Variants in CIB1 observed in about 807,000 individuals in gnomAD.
The protein encoded by CIB1 is calcium and integrin-binding protein 1.
CIB1 carries 19 observed loss-of-function variants against 25.0 expected under a neutral mutation model. The ratio of observed to expected loss-of-function variants is 0.76; its 90% confidence interval spans 0.53 to 1.12. CIB1 has a LOEUF of 1.12. Among genes scored for constraint, CIB1 ranks in the 50% most tolerant of loss-of-function variants. The pLI, the probability that CIB1 is intolerant of heterozygous loss-of-function variation, is 0.00. For synonymous variants in CIB1, 104 were observed against 98.5 expected (o/e 1.06, Z -0.33); for missense variants, 236 against 242.6 (o/e 0.97, Z 0.18).
chr15:90,252,166 A>C, the CIB1 span, among the ~76,000 whole-genome samples: 1 of 151,686 alleles, frequency 6.6e-6, no homozygotes, highest in Non-Finnish European at 1.5e-5. Context: ...CAGCCTCCCA[A>C]ATAGCTGGGA....
chr15:90,252,201 G>A, the CIB1 span, among the ~76,000 whole-genome samples: 6 of 152,010 alleles, frequency 3.9e-5, no homozygotes, highest in Non-Finnish European at 5.9e-5. Flanking sequence ...CACCACATCT[G>A]GCTAATTTTG....
At chr15:90,253,365 C>T in the CIB1 span, 1 of 1,611,042 alleles carries the variant, frequency 6.2e-7, no homozygotes. Flanking sequence ...GAAGAGGTTT[C>T]AGGTACCCAT....
chr15:90,248,099 G>C, the CIB1 span, among the ~76,000 whole-genome samples: 1 of 151,896 alleles, frequency 6.6e-6, no homozygotes, highest in African/African-American at 2.4e-5. Flanking sequence ...AAGTGCAGTG[G>C]CATAATCATA....
chr15:90,253,377 T>A, the CIB1 span: 1 of 1,604,462 alleles, frequency 6.2e-7, no homozygotes, highest in East Asian at 2.2e-5. Context: ...GGTACCCATC[T>A]CCTGACCTGA....
At chr15:90,260,846 G>C in the CIB1 span, among the ~76,000 whole-genome samples, 2 of 130,370 alleles carry the variant, frequency 1.5e-5, no homozygotes, top group East Asian at 4.8e-4. Context: ...GCAGGACTCT[G>C]TCTCAAAAAA....
intron 3 of CIB1, among the ~76,000 whole-genome samples, chr15:90,231,784 T>G (rs1232472072): frequency 6.6e-6 from 1 of 152,160 alleles, no homozygotes; most frequent in Non-Finnish European, 1.5e-5. Context: ...GAAGAAGAAG[T>G]CATCCTAAAC....
chr15:90,263,156 C>T, the CIB1 span: 1 of 1,515,726 alleles, frequency 6.6e-7, no homozygotes. Flanking sequence ...GTGAGGGTCC[C>T]TGTGAAGTCT....
At chr15:90,248,256 G>A in the CIB1 span, among the ~76,000 whole-genome samples, 4 of 152,148 alleles carry the variant, frequency 2.6e-5, no homozygotes, top group Admixed American at 2.6e-4. Context: ...CTTTCAAAGT[G>A]CAAAGTGATT....
the CIB1 span, chr15:90,257,488 C>T: frequency 1.0e-6 from 1 of 968,496 alleles, no homozygotes; most frequent in Non-Finnish European, 1.5e-6. Flanking sequence ...ACACTCTTCC[C>T]CAGGATCATC....
the CIB1 span, chr15:90,257,259 T>G: frequency 1.2e-6 from 2 of 1,613,204 alleles, no homozygotes; most frequent in Non-Finnish European, 1.7e-6. Context: ...ACGCCCTATA[T>G]GGAGCCCAGC....
Position 90,230,162 on chromosome 15 carries a change from ATGC to A in CIB1, c.*319_*321del. The A allele has an allele frequency of 2.6e-6, 1 of 387,176 alleles. No homozygotes were observed. The highest frequency in any genetic ancestry group is 3.1e-5 in the South Asian group (1 of 32,234). 24.0% of individuals were successfully genotyped at this position (387,176 alleles called of 1,614,324 possible). On this transcript the variant is annotated 3_prime_UTR_variant, in exon 7 of 7. Transcript: ENST00000328649. Reference sequence around the variant, plus strand: ...GACTTCCCGCTGGCCTCTGCTCGATATGCTGCTTATTCCTAGGATGATTGAAGG... The same window carrying A: ...GACTTCCCGCTGGCCTCTGCTCGATATGCTTATTCCTAGGATGATTGAAGG...
chr15:90,260,104 G>A, the CIB1 span, among the ~76,000 whole-genome samples: 2 of 152,172 alleles, frequency 1.3e-5, no homozygotes, highest in African/African-American at 4.8e-5. Context: ...TGTACCTGAG[G>A]GTCATGAAAT....
At chr15:90,263,512 A>C in the CIB1 span, 4 of 523,408 alleles carry the variant, frequency 7.6e-6, no homozygotes, top group Non-Finnish European at 1.4e-5. Flanking sequence ...CCCCAGCTCT[A>C]ATGGGAGATA....
the CIB1 span, chr15:90,243,547 A>C: frequency 6.8e-6 from 1 of 147,384 alleles, no homozygotes; most frequent in Non-Finnish European, 1.5e-5. Context: ...GGGTCTTGCT[A>C]TGTTGCCCGG....
At chr15:90,265,705 G>C in the CIB1 span, 34 of 1,613,130 alleles carry the variant, frequency 2.1e-5, no homozygotes, top group African/African-American at 2.7e-5. Context: ...AGGCTGGTTT[G>C]CGTCGACATG....
chr15:90,265,133 A>G, the CIB1 span: 3,669 of 1,232,150 alleles, frequency 3.0e-3, 97 homozygotes, highest in African/African-American at 0.049. Flanking sequence ...GAATTCCTCA[A>G]TACCCTAAGA....
the CIB1 span, among the ~76,000 whole-genome samples, chr15:90,249,104 G>A: frequency 1.3e-5 from 2 of 151,828 alleles, no homozygotes; most frequent in Admixed American, 6.6e-5. Context: ...ACAGCTACTG[G>A]GGAGGCTGAG....
the CIB1 span, chr15:90,258,200 A>G: frequency 6.2e-7 from 1 of 1,614,118 alleles, no homozygotes; most frequent in Non-Finnish European, 8.5e-7. Flanking sequence ...ATGGAGGTAC[A>G]TGTGCCTGTT....
At chr15:90,263,667 A>G in the CIB1 span, 2 of 605,070 alleles carry the variant, frequency 3.3e-6, no homozygotes, top group Non-Finnish European at 5.9e-6. Context: ...GATTTTTTTC[A>G]GTTACCTCCT....
Sources: gnomAD v4.1 joint callset for allele counts (sites outside exome capture counted in the v4.1 genomes callset) on GRCh38, gnomAD v4.1.1 for gene constraint, MANE v1.5 for transcripts, NCBI Gene and HGNC (gene_info 2026-07-23, HGNC 2026-07-21) for gene names.